TRAPPC6B: variants seen among roughly 807,000 people sequenced by gnomAD.
TRAPPC6B encodes the protein TRAPP complex subunit 6B.
A neutral mutation model predicts 24.7 loss-of-function variants in TRAPPC6B; 27 were observed. That is an observed-to-expected ratio of 1.09 (90% CI 0.81 to 1.51). The LOEUF (loss-of-function observed/expected upper bound fraction) is 1.51, where lower values mean the gene tolerates loss of function less well. TRAPPC6B is among the 40% of genes most tolerant of loss of function. TRAPPC6B has a pLI of 0.00. For synonymous variants in TRAPPC6B, 80 were observed against 66.6 expected, an observed-to-expected ratio of 1.20 and a Z score of -0.98; for missense variants, 212 against 190.8, an observed-to-expected ratio of 1.11 and a Z score of -0.66.
rs371091404 is a variant in TRAPPC6B, at chr14:39,159,517, T to A, written c.115A>T (p.Met39Leu). The part of the protein sequence containing the change: ...NGRCITKLEN[M>L]GFRVGQGLIE... ...AATCCTTGTCCCACTCGAAACCCCA[T>A]GTTTTCCAGCTTAGTAATACATCGT... is the stretch of plus-strand genomic sequence containing the variant. Residue 39 changes from methionine (M) to leucine (L), a missense_variant, in exon 2 of 6, where the codon ATG becomes TTG. Transcript: ENST00000330149. 11 of 1,605,830 alleles carry A rather than the reference T, an allele frequency of 6.9e-6. No individual in the cohort carries two copies. Among genetic ancestry groups the A allele is most frequent in the Non-Finnish European group, 8.5e-6 (10 of 1,175,728 alleles).
rs2052894936 is a variant in TRAPPC6B, at chr14:39,150,008, T to C, written c.*342A>G. ...TTCTTCTCACAAATAATTCTGTTGG[T>C]ACATAATTTTCTCTCATGCTAATTC... On this transcript the variant is annotated 3_prime_UTR_variant, in exon 6 of 6. Coordinates refer to ENST00000330149, the MANE Select transcript of TRAPPC6B (RefSeq NM_001079537.2). 1 of 184,984 alleles carries C rather than the reference T, an allele frequency of 5.4e-6. No individual in the cohort carries two copies. Among genetic ancestry groups the C allele is most frequent in the East Asian group, 1.3e-4 (1 of 7,546 alleles). The allele number at this position is 184,984 out of a possible 1,614,324, so 11.5% of individuals were successfully genotyped here. A position where few individuals can be genotyped will look rare whatever the true frequency, so the allele number is the denominator to read the frequency against.
At chr14:39,153,254 GAAA>G (rs562297667) in intron 4 of TRAPPC6B, among the ~76,000 whole-genome samples, 4 of 114,416 alleles carry the variant, frequency 3.5e-5, no homozygotes. Context: ...CACTCTGTCC[GAAA>G]AAAAAAAAAA....
chr14:39,150,477 C>A, intron 5 of TRAPPC6B, 96 bp from the exon 6 acceptor site: 2 of 867,390 alleles, frequency 2.3e-6, no homozygotes, highest in South Asian at 1.6e-5. Context: ...TAGTTTCAGT[C>A]AAGAAATCTG....
At chr14:39,158,237 T>C in intron 3 of TRAPPC6B, 48 bp downstream of exon 3, 2 of 1,000,104 alleles carry the variant, frequency 2.0e-6, no homozygotes, top group East Asian at 2.5e-5. Flanking sequence ...ACGATATTTA[T>C]ATCAAGTTAA....
chr14:39,169,262 G>A (rs940998227), intron 1 of TRAPPC6B, among the ~76,000 whole-genome samples: 3 of 152,122 alleles, frequency 2.0e-5, no homozygotes, highest in Non-Finnish European at 2.9e-5. Flanking sequence ...TGTGAGGCAG[G>A]AGTATTATTT....
chr14:39,154,698 G>A (rs2052955451), intron 3 of TRAPPC6B, among the ~76,000 whole-genome samples: 1 of 152,110 alleles, frequency 6.6e-6, no homozygotes, highest in Admixed American at 6.6e-5. Context: ...GGGATTACAG[G>A]CATAAGCCCA....
Position 39,156,426 on chromosome 14 carries a change from T to C in TRAPPC6B, c.267+1859A>G, listed in dbSNP as rs541022209. Reference sequence around the variant, plus strand: ...TCTACTCTAAGTATTTCCTTGAAGTTCATAAAATAAAATCTAATGAAGCTG... The same window carrying C: ...TCTACTCTAAGTATTTCCTTGAAGTCCATAAAATAAAATCTAATGAAGCTG... On this transcript the variant is annotated intron_variant, in intron 3 of 5. Coordinates refer to ENST00000330149, the MANE Select transcript of TRAPPC6B (RefSeq NM_001079537.2). 6.2e-4 allele frequency among the ~76,000 whole-genome samples: 95 copies of C among 152,312 alleles called. 1 individual carries two copies. The highest frequency in any genetic ancestry group is 2.3e-3 in the African/African-American group (95 of 41,574).
chr14:39,164,427 G>A (rs1039892049), intron 1 of TRAPPC6B, among the ~76,000 whole-genome samples: 21 of 152,104 alleles, frequency 1.4e-4, no homozygotes, highest in Admixed American at 1.2e-3. Flanking sequence ...AGGAGGCGGA[G>A]GTTGCAGTGA....
At chr14:39,159,291 A>C (rs1229404268) in intron 2 of TRAPPC6B, 192 bp downstream of exon 2, 1 of 314,234 alleles carries the variant, frequency 3.2e-6, no homozygotes, top group Non-Finnish European at 5.7e-6. Flanking sequence ...ATTTTCTTTA[A>C]ACATTAAAAT....
intron 1 of TRAPPC6B, among the ~76,000 whole-genome samples, chr14:39,162,636 T>A (rs138720490): frequency 2.6e-5 from 4 of 152,328 alleles, no homozygotes; most frequent in African/African-American, 7.2e-5. Flanking sequence ...CTGCTCTAAG[T>A]TCTATTGTTC....
At chr14:39,161,405 G>A (rs73291562) in intron 1 of TRAPPC6B, among the ~76,000 whole-genome samples, 2,741 of 152,186 alleles carry the variant, frequency 0.018, 98 homozygotes, top group African/African-American at 0.063. Flanking sequence ...TCCCTTCTGC[G>A]TATTAGCAAC....
At chr14:39,166,798 T>C (rs2053112901) in intron 1 of TRAPPC6B, among the ~76,000 whole-genome samples, 1 of 151,512 alleles carries the variant, frequency 6.6e-6, no homozygotes, top group African/African-American at 2.4e-5. Context: ...TGACTCCAAC[T>C]GGTCCTCTGG....
chr14:39,167,418 A>G (rs2053119589), intron 1 of TRAPPC6B, among the ~76,000 whole-genome samples: 1 of 150,648 alleles, frequency 6.6e-6, no homozygotes, highest in Admixed American at 6.6e-5. Flanking sequence ...AAAACAAAAA[A>G]AAAGACACAT....
In TRAPPC6B at chr14:39,151,723, T is replaced by C. The variant is rs749293098; in HGVS notation, c.445+23A>G. On this transcript the variant is annotated intron_variant, in intron 5 of 5. Transcript: ENST00000330149. Reference sequence around the variant, plus strand: ...TGAAAACAAATTACTAAAACATTTGTAAGAAAGGCGAATTCAACTTACAAG... The same window carrying C: ...TGAAAACAAATTACTAAAACATTTGCAAGAAAGGCGAATTCAACTTACAAG... The C allele has an allele frequency of 2.0e-6, 3 of 1,512,906 alleles. No individual in the cohort carries two copies. The South Asian group carries it at 3.7e-5, about 19-fold the overall frequency. 93.7% of individuals were successfully genotyped at this position (1,512,906 alleles called of 1,614,324 possible).
At chr14:39,152,363 A>G (rs937396907) in intron 4 of TRAPPC6B, among the ~76,000 whole-genome samples, 1 of 152,214 alleles carries the variant, frequency 6.6e-6, no homozygotes, top group African/African-American at 2.4e-5. Context: ...ACAAAGAATT[A>G]TCTGGTTGAA....
At chr14:39,162,601 T>C (rs1479349362) in intron 1 of TRAPPC6B, among the ~76,000 whole-genome samples, 2 of 152,250 alleles carry the variant, frequency 1.3e-5, no homozygotes, top group African/African-American at 4.8e-5. Context: ...TCACCTTTGA[T>C]GTTTTTCCCT....
At chr14:39,165,626 T>C (rs575888843) in intron 1 of TRAPPC6B, among the ~76,000 whole-genome samples, 1 of 150,838 alleles carries the variant, frequency 6.6e-6, no homozygotes, top group East Asian at 1.9e-4. Context: ...AAGACTCTGT[T>C]TCTACAAAAA....
chr14:39,157,015 C>T (rs911320993), intron 3 of TRAPPC6B, among the ~76,000 whole-genome samples: 1 of 149,526 alleles, frequency 6.7e-6, no homozygotes, highest in Admixed American at 6.8e-5. Context: ...GAGCCTGAGG[C>T]AGAATGGCTT....
intron 3 of TRAPPC6B, chr14:39,157,202 A>T: frequency 3.0e-6 from 1 of 338,668 alleles, no homozygotes; most frequent in Non-Finnish European, 5.7e-6. Flanking sequence ...CATCCACCCA[A>T]TATGGACCTC....
Sources: allele counts gnomAD v4.1 joint callset (sites outside exome capture counted in the v4.1 genomes callset), GRCh38; gene constraint gnomAD v4.1.1; transcripts MANE v1.5; gene names NCBI Gene and HGNC (gene_info 2026-07-23, HGNC 2026-07-21).